Variants in CSMD1 observed in about 807,000 individuals in gnomAD.
The protein encoded by CSMD1 is CUB and sushi domain-containing protein 1.
CSMD1 carries 213 observed loss-of-function variants against 417.5 expected under a neutral mutation model. The ratio of observed to expected loss-of-function variants is 0.51; its 90% CI spans 0.46 to 0.57. The LOEUF (loss-of-function observed/expected upper bound fraction) is 0.57, where lower values mean the gene tolerates loss of function less well. Among genes scored for constraint, CSMD1 ranks in the 20% least tolerant of loss-of-function variants. CSMD1 has a pLI of 0.00. For synonymous variants in CSMD1, 2,862 were observed against 1,736.8 expected, an observed-to-expected ratio of 1.65 and a Z score of -16.11; for missense variants, 6,923 against 4,529.7, an observed-to-expected ratio of 1.53 and a Z score of -15.17.
intron 5 of CSMD1, among the ~76,000 whole-genome samples, chr8:3,976,175 G>C (rs557750488): frequency 7.3e-5 from 11 of 151,500 alleles, no homozygotes; most frequent in Non-Finnish European, 5.9e-5. Context: ...TTTCAAATAC[G>C]AGATAACTTA....
At chr8:3,617,715 C>G (rs1802211989) in intron 7 of CSMD1, among the ~76,000 whole-genome samples, 1 of 152,160 alleles carries the variant, frequency 6.6e-6, no homozygotes, top group African/African-American at 2.4e-5. Flanking sequence ...TGTCAAGAAC[C>G]TGGACCTGCT....
intron 3 of CSMD1, among the ~76,000 whole-genome samples, chr8:4,348,732 T>C (rs1373463184): frequency 6.6e-6 from 1 of 152,146 alleles, no homozygotes; most frequent in Non-Finnish European, 1.5e-5. Context: ...TCTTCGTCTT[T>C]AGGAAGACCG....
intron 1 of CSMD1, among the ~76,000 whole-genome samples, chr8:4,756,248 C>G (rs567212003): frequency 6.6e-6 from 1 of 152,088 alleles, no homozygotes; most frequent in South Asian, 2.1e-4. Flanking sequence ...ATGGGTTATA[C>G]AGAAAAGAGC....
intron 1 of CSMD1, among the ~76,000 whole-genome samples, chr8:4,695,792 C>T (rs7007873): frequency 6.6e-6 from 1 of 152,076 alleles, no homozygotes; most frequent in Non-Finnish European, 1.5e-5. Context: ...TATCATACAG[C>T]CTCTAGAATA....
chr8:3,307,678 C>T lies in CSMD1; in HGVS notation c.3950+17G>A, dbSNP rs1804984880. 1 of 1,610,106 alleles carries T rather than the reference C, an allele frequency of 6.2e-7. No individual in the cohort carries two copies. Among genetic ancestry groups the T allele is most frequent in the East Asian group, 2.2e-5 (1 of 44,744 alleles). ...ATCTCTTTTCTCAAATCACTGAAACCAAAATAAAACAAGTACCTAATGGTC... is the reference window on the plus strand; with the variant it reads ...ATCTCTTTTCTCAAATCACTGAAACTAAAATAAAACAAGTACCTAATGGTC... On this transcript the variant is annotated intron_variant, in intron 25 of 69. Transcript: ENST00000635120.
At chr8:4,717,418 C>A (rs557111523) in intron 1 of CSMD1, among the ~76,000 whole-genome samples, 7 of 149,682 alleles carry the variant, frequency 4.7e-5, no homozygotes, top group Admixed American at 1.3e-4. Context: ...TACACACACA[C>A]TATATATATA....
intron 7 of CSMD1, among the ~76,000 whole-genome samples, chr8:3,632,202 G>A (rs565898559): frequency 1.3e-5 from 2 of 152,224 alleles, no homozygotes; most frequent in East Asian, 3.9e-4. Context: ...AACTACTTTG[G>A]CAATAATTTT....
intron 42 of CSMD1, among the ~76,000 whole-genome samples, chr8:3,114,072 AAC>A (rs1273338350): frequency 1.3e-5 from 2 of 151,858 alleles, no homozygotes; most frequent in Non-Finnish European, 1.5e-5. Context: ...CAAACAAACA[AAC>A]AAACAAACAA....
chr8:4,546,456 C>G (rs1030579188), intron 2 of CSMD1, among the ~76,000 whole-genome samples: 1 of 152,130 alleles, frequency 6.6e-6, no homozygotes, highest in African/African-American at 2.4e-5. Flanking sequence ...TACCATTCCA[C>G]GGGCACCGAC....
intron 2 of CSMD1, among the ~76,000 whole-genome samples, chr8:4,601,304 C>T (rs368587869): frequency 2.6e-4 from 39 of 152,200 alleles, no homozygotes; most frequent in South Asian, 1.5e-3. Flanking sequence ...AGAGTGACAG[C>T]GAAGCAAAAG....
intron 11 of CSMD1, among the ~76,000 whole-genome samples, chr8:3,481,614 G>T (rs542283499): frequency 6.6e-6 from 1 of 152,146 alleles, no homozygotes; most frequent in African/African-American, 2.4e-5. Flanking sequence ...GAAATGTGGG[G>T]GATTGTCCTG....
intron 10 of CSMD1, among the ~76,000 whole-genome samples, chr8:3,505,473 G>A (rs897179053): frequency 3.9e-5 from 6 of 152,238 alleles, no homozygotes; most frequent in African/African-American, 1.2e-4. Context: ...TGATTAAAGA[G>A]TTGAGAAGGA....
intron 15 of CSMD1, among the ~76,000 whole-genome samples, chr8:3,405,128 C>A (rs953532888): frequency 1.3e-5 from 2 of 152,112 alleles, no homozygotes; most frequent in East Asian, 1.9e-4. Flanking sequence ...TTCAATAATA[C>A]GTCTCATTCA....
In CSMD1 at chr8:4,703,042, T is replaced by G. The variant is rs535734102; in HGVS notation, c.86-65484A>C. On this transcript the variant is annotated intron_variant, in intron 1 of 69. Transcript: ENST00000635120. The stretch of plus-strand genomic sequence containing the variant: ...TCTGGCGATATTTTTATTTATAATG[T>G]TCACAGTTTAGGGTTAAGCAAATTA... Among the ~76,000 whole-genome samples the G allele has an allele frequency of 3.3e-3, 504 of 152,324 alleles. 5 individuals are homozygous for G. Among genetic ancestry groups the G allele is most frequent in the African/African-American group, 0.012 (479 of 41,572 alleles).
intron 5 of CSMD1, among the ~76,000 whole-genome samples, chr8:3,926,092 CACACA>C (rs1809674171): frequency 4.0e-5 from 2 of 49,508 alleles, no homozygotes; most frequent in South Asian, 4.4e-4. Context: ...TACACACACA[CACACA>C]CACACACACA....
At chr8:4,110,322 G>A (rs1801785202) in intron 3 of CSMD1, among the ~76,000 whole-genome samples, 1 of 152,102 alleles carries the variant, frequency 6.6e-6, no homozygotes, top group Admixed American at 6.5e-5. Flanking sequence ...CCAGGAACTT[G>A]TGAATTTTTG....
chr8:3,049,310 T>C (rs62490540), intron 50 of CSMD1, among the ~76,000 whole-genome samples: 36,265 of 151,964 alleles, frequency 0.24, 5,058 homozygotes, highest in East Asian at 0.33. Flanking sequence ...TTATTCACAA[T>C]TGTAAAACTT....
At chr8:3,868,566 G>C (rs1245536040) in intron 5 of CSMD1, among the ~76,000 whole-genome samples, 2 of 152,074 alleles carry the variant, frequency 1.3e-5, no homozygotes, top group African/African-American at 4.8e-5. Context: ...CTGAAATGTG[G>C]ATTTGAGGGT....
intron 1 of CSMD1, among the ~76,000 whole-genome samples, chr8:4,749,789 C>G (rs1319606487): frequency 6.6e-6 from 1 of 151,834 alleles, no homozygotes; most frequent in Non-Finnish European, 1.5e-5. Flanking sequence ...TAAGTCTGGG[C>G]CTGTATGACA....
Sources: allele counts gnomAD v4.1 joint callset (sites outside exome capture counted in the v4.1 genomes callset), GRCh38; gene constraint gnomAD v4.1.1; transcripts MANE v1.5; gene names NCBI Gene and HGNC (gene_info 2026-07-23, HGNC 2026-07-21).